MAGI2: variants seen among roughly 807,000 people sequenced by gnomAD.
The protein encoded by MAGI2 is membrane associated guanylate kinase, WW and PDZ domain containing 2.
Under a neutral mutation model 133.3 loss-of-function variants are expected in MAGI2, and 35 were observed. The observed-to-expected ratio is 0.26, with a 90% CI of 0.20 to 0.35. The LOEUF (loss-of-function observed/expected upper bound fraction) is 0.35. MAGI2 is among the 10% of genes least tolerant of loss of function. The pLI is 1.00. For synonymous variants in MAGI2, 729 were observed against 710.6 expected (o/e 1.03, Z -0.41); for missense variants, 1,636 against 1,863.4 (o/e 0.88, Z 2.25).
At chr7:78,503,142 GA>G (rs796190313) in intron 4 of MAGI2, among the ~76,000 whole-genome samples, 5 of 149,810 alleles carry the variant, frequency 3.3e-5, no homozygotes, top group Admixed American at 2.7e-4. Context: ...AGTAACTTGA[GA>G]AAAAAAAAGA....
At chr7:78,266,261 C>T (rs1793992087) in intron 9 of MAGI2, among the ~76,000 whole-genome samples, 1 of 152,170 alleles carries the variant, frequency 6.6e-6, no homozygotes, top group African/African-American at 2.4e-5. Flanking sequence ...AGTGTAGTGG[C>T]ACTATCCCGG....
intron 1 of MAGI2, among the ~76,000 whole-genome samples, chr7:79,072,081 G>A (rs1029627325): frequency 1.1e-4 from 16 of 152,166 alleles, no homozygotes; most frequent in African/African-American, 3.1e-4. Flanking sequence ...AGGGTGATGC[G>A]ATGCCCCACT....
chr7:78,441,999 C>T (rs1787681138), intron 6 of MAGI2, among the ~76,000 whole-genome samples: 1 of 152,124 alleles, frequency 6.6e-6, no homozygotes, highest in Admixed American at 6.5e-5. Context: ...TTCAGGGTCC[C>T]CTCTGCATAC....
At chr7:78,613,403 A>C (rs563339488) in intron 3 of MAGI2, among the ~76,000 whole-genome samples, 1 of 152,332 alleles carries the variant, frequency 6.6e-6, no homozygotes, top group South Asian at 2.1e-4. Context: ...TACAGGAAGA[A>C]AAAACATATT....
At chr7:78,273,982 C>T (rs775373683) in intron 9 of MAGI2, among the ~76,000 whole-genome samples, 5 of 152,038 alleles carry the variant, frequency 3.3e-5, no homozygotes, top group African/African-American at 7.2e-5. Context: ...CCCTTGCTGG[C>T]GAGGAGTTGT....
intron 1 of MAGI2, among the ~76,000 whole-genome samples, chr7:79,221,892 T>C (rs538238887): frequency 6.6e-6 from 1 of 152,082 alleles, no homozygotes; most frequent in East Asian, 1.9e-4. Flanking sequence ...AGAAAAAACA[T>C]TAATAGTTCC....
chr7:78,799,783 G>A (rs1381167982), intron 2 of MAGI2, among the ~76,000 whole-genome samples: 1 of 152,086 alleles, frequency 6.6e-6, no homozygotes, highest in Non-Finnish European at 1.5e-5. Flanking sequence ...GTAGCTCTCT[G>A]CCTTTCTTAC....
At chr7:78,535,588 GT>G (rs34678845) in intron 3 of MAGI2, among the ~76,000 whole-genome samples, 110,147 of 149,558 alleles carry the variant, frequency 0.74, 41,463 homozygotes, top group African/African-American at 0.91. Flanking sequence ...CATCCAAACT[GT>G]TTTTTTTTTT....
intron 1 of MAGI2, among the ~76,000 whole-genome samples, chr7:79,448,185 A>G (rs1012878345): frequency 6.6e-6 from 1 of 152,040 alleles, no homozygotes; most frequent in South Asian, 2.1e-4. Flanking sequence ...ATGTTTACAC[A>G]TAAAGGGAGG....
chr7:78,605,104 C>G (rs191445515), intron 3 of MAGI2, among the ~76,000 whole-genome samples: 3 of 152,150 alleles, frequency 2.0e-5, no homozygotes, highest in Non-Finnish European at 4.4e-5. Context: ...CAAAACATAC[C>G]TCTAGATGCA....
intron 10 of MAGI2, among the ~76,000 whole-genome samples, chr7:78,216,409 A>G (rs1403497252): frequency 6.6e-6 from 1 of 152,216 alleles, no homozygotes; most frequent in African/African-American, 2.4e-5. Flanking sequence ...CATGTCACTC[A>G]TCTACTTGAA....
intron 1 of MAGI2, among the ~76,000 whole-genome samples, chr7:79,035,004 G>A (rs17151887): frequency 0.13 from 20,017 of 152,082 alleles, 2,055 homozygotes; most frequent in African/African-American, 0.29. Flanking sequence ...ATTACCACTT[G>A]GATACTTAAA....
chr7:78,023,021 G>C (rs1808559021), intron 21 of MAGI2, among the ~76,000 whole-genome samples: 1 of 152,200 alleles, frequency 6.6e-6, no homozygotes, highest in Non-Finnish European at 1.5e-5. Flanking sequence ...ATCTATATGA[G>C]TGGTTGAATA....
At chr7:78,600,163 A>G (rs549343429) in intron 3 of MAGI2, among the ~76,000 whole-genome samples, 186 of 152,282 alleles carry the variant, frequency 1.2e-3, no homozygotes, top group Non-Finnish European at 2.0e-3. Context: ...AATTTACCTA[A>G]ATACATAAAG....
intron 10 of MAGI2, among the ~76,000 whole-genome samples, chr7:78,210,988 G>A (rs190652047): frequency 4.0e-4 from 61 of 152,244 alleles, no homozygotes; most frequent in Admixed American, 3.9e-3. Context: ...TGGCTACAGG[G>A]GAATAAAGCC....
At chr7:78,716,110 C>T (rs1819677084) in intron 2 of MAGI2, among the ~76,000 whole-genome samples, 1 of 152,126 alleles carries the variant, frequency 6.6e-6, no homozygotes, top group Non-Finnish European at 1.5e-5. Flanking sequence ...ATGTGGTACC[C>T]CACTGCAAGT....
At chr7:79,178,066 A>G (rs1284843001) in intron 1 of MAGI2, among the ~76,000 whole-genome samples, 2 of 151,994 alleles carry the variant, frequency 1.3e-5, no homozygotes, top group Non-Finnish European at 2.9e-5. Flanking sequence ...AGTAGTGGTT[A>G]TATCTTTATG....
intron 2 of MAGI2, among the ~76,000 whole-genome samples, chr7:78,639,779 G>C (rs1810077794): frequency 6.6e-6 from 1 of 152,060 alleles, no homozygotes; most frequent in African/African-American, 2.4e-5. Flanking sequence ...CCCCATTCAG[G>C]CCAGTGTGAC....
At chr7:78,648,933 C>T (rs1017590093) in intron 2 of MAGI2, among the ~76,000 whole-genome samples, 1 of 152,050 alleles carries the variant, frequency 6.6e-6, no homozygotes, top group African/African-American at 2.4e-5. Context: ...TGCAGGTCTA[C>T]AACAATTTTC....
Sources: allele counts gnomAD v4.1 joint callset (sites outside exome capture counted in the v4.1 genomes callset), GRCh38; gene constraint gnomAD v4.1.1; transcripts MANE v1.5; gene names NCBI Gene and HGNC (gene_info 2026-07-23, HGNC 2026-07-21).